ABR: variants seen among roughly 807,000 people sequenced by gnomAD.
ABR encodes the protein ABR activator of RhoGEF and GTPase.
A neutral mutation model predicts 107.2 loss-of-function variants in ABR; 35 were observed. The ratio of observed to expected loss-of-function variants is 0.33; its 90% CI spans 0.25 to 0.43. The LOEUF (loss-of-function observed/expected upper bound fraction) is 0.43, where lower values mean the gene tolerates loss of function less well. Among genes scored for constraint, ABR ranks in the 20% least tolerant of loss-of-function variants. ABR has a pLI of 1.00. For synonymous variants in ABR, 498 were observed against 462.0 expected (o/e 1.08, Z -1.00); for missense variants, 815 against 1,115.2 (o/e 0.73, Z 3.83).
chr17:1,033,359 TCC>T (rs1376516780), intron 16 of ABR, among the ~76,000 whole-genome samples: 1 of 152,112 alleles, frequency 6.6e-6, no homozygotes, highest in African/African-American at 2.4e-5. Context: ...CACTTACCCC[TCC>T]CAACTGTATG....
upstream of ABR, among the ~76,000 whole-genome samples, chr17:1,181,373 C>T (rs2042127655): frequency 2.0e-5 from 3 of 152,280 alleles, no homozygotes; most frequent in Non-Finnish European, 4.4e-5. Context: ...CAGGATGATG[C>T]TCTGGGTGGG....
At chr17:1,101,795 G>T (rs866354365) in intron 2 of ABR, among the ~76,000 whole-genome samples, 1 of 150,554 alleles carries the variant, frequency 6.6e-6, no homozygotes, top group Non-Finnish European at 1.5e-5. Context: ...GTGCAGTGGC[G>T]CGATCTCGGC....
At chr17:1,090,877 G>A (rs1176374914) in intron 4 of ABR, among the ~76,000 whole-genome samples, 2 of 152,200 alleles carry the variant, frequency 1.3e-5, no homozygotes, top group Non-Finnish European at 2.9e-5. Context: ...CAGACGTTAC[G>A]TAGCAGAGGT....
At chr17:1,015,313 G>A (rs1003443168) in intron 16 of ABR, among the ~76,000 whole-genome samples, 1 of 151,452 alleles carries the variant, frequency 6.6e-6, no homozygotes, top group Non-Finnish European at 1.5e-5. Context: ...CTACTACTTG[G>A]GAGGCTGAGA....
chr17:1,125,231 G>C lies in ABR; in HGVS notation c.198C>G (p.Gly66=), dbSNP rs143549153. The C allele has an allele frequency of 4.3e-6, 7 of 1,609,568 alleles. No individual in the cohort carries two copies. The highest frequency in any genetic ancestry group is 1.7e-4 in the Middle Eastern group (1 of 6,060). ...MSPQLSARSQ[G]GGDGVSPTPP... is the part of the protein sequence containing the mutation. ...GAGTCGGGGAGACGCCATCCCCCCC[G>C]CCCTGGCTGCGGGCGCTGAGCTGCG... The change falls in exon 2 of 23, where the codon GGC becomes GGG. Residue 66 remains glycine (G), a synonymous_variant. Coordinates refer to ENST00000302538, the MANE Select transcript of ABR (RefSeq NM_021962.5).
At chr17:1,209,517 T>G (rs2042862659) in intron 1 of ABR, among the ~76,000 whole-genome samples, 2 of 152,092 alleles carry the variant, frequency 1.3e-5, no homozygotes, top group Non-Finnish European at 2.9e-5. Flanking sequence ...ACTAAGGTGA[T>G]TCACCTGTCT....
chr17:1,107,255 C>T (rs1428051723), intron 2 of ABR, among the ~76,000 whole-genome samples: 1 of 152,208 alleles, frequency 6.6e-6, no homozygotes, highest in Non-Finnish European at 1.5e-5. Context: ...CGTGGGCCAC[C>T]GCCGTACACA....
At chr17:1,104,932 C>G (rs536841810) in intron 2 of ABR, among the ~76,000 whole-genome samples, 7 of 152,212 alleles carry the variant, frequency 4.6e-5, no homozygotes, top group African/African-American at 1.4e-4. Flanking sequence ...CATATCCCAC[C>G]CTTAAAATTT....
intron 16 of ABR, among the ~76,000 whole-genome samples, chr17:1,020,508 A>G (rs2071539997): frequency 6.6e-6 from 1 of 152,210 alleles, no homozygotes; most frequent in Admixed American, 6.5e-5. Context: ...CCCTGCGGCG[A>G]AAACCCAGCA....
chr17:1,113,825 G>A (rs969022814), intron 2 of ABR, among the ~76,000 whole-genome samples: 2 of 152,198 alleles, frequency 1.3e-5, no homozygotes, highest in Non-Finnish European at 2.9e-5. Flanking sequence ...GACAGAGGGA[G>A]CCTCTAAGAG....
At position 1,057,992 on chromosome 17, in the gene ABR, T is replaced by C; in HGVS notation, c.1359A>G (p.Ala453=). ...TACCCTTCTTCTGTAGTTTCTGAAT[T>C]GCTTCTCTCCACTCTGACCTCTCGT... ...SDYERSEWRE[A]IQKLQKKDLQ... The change falls in exon 12 of 23, where the codon GCA becomes GCG. Residue 453 remains alanine, a synonymous_variant. Coordinates refer to ENST00000302538, the MANE Select transcript of ABR (RefSeq NM_021962.5). 1 of 1,613,970 alleles carries C rather than the reference T, an allele frequency of 6.2e-7. No individual in the cohort carries two copies. The highest frequency in any genetic ancestry group is 8.5e-7 in the Non-Finnish European group (1 of 1,179,916).
In ABR at chr17:1,176,643, C is replaced by T. The variant is rs1429033025; in HGVS notation, c.61+3024G>A. Among the ~76,000 whole-genome samples the T allele has an allele frequency of 2.0e-5, 3 of 152,050 alleles. No homozygotes were observed. In the East Asian group the frequency reaches 5.8e-4, roughly 29 times the overall value. On this transcript the variant is annotated intron_variant, in intron 1 of 22. Coordinates refer to ENST00000302538, the MANE Select transcript of ABR (RefSeq NM_021962.5). ...GGAAGATCACCTGAGGTCAGGAGTT[C>T]GAGACCAGCCTGACCAATATGGTGA...
At chr17:1,026,868 C>T (rs988203884) in intron 16 of ABR, among the ~76,000 whole-genome samples, 3 of 152,210 alleles carry the variant, frequency 2.0e-5, no homozygotes, top group South Asian at 4.1e-4. Flanking sequence ...CCAGCACCAG[C>T]GCCCTGTGGC....
At chr17:1,075,781 C>T (rs1412337601) in intron 6 of ABR, among the ~76,000 whole-genome samples, 2 of 152,274 alleles carry the variant, frequency 1.3e-5, no homozygotes, top group South Asian at 2.1e-4. Context: ...GTGGCTCACG[C>T]CTGTAATCCC....
chr17:1,191,326 G>C (rs140929606), upstream of ABR, among the ~76,000 whole-genome samples: 706 of 142,320 alleles, frequency 5.0e-3, 7 homozygotes, highest in African/African-American at 0.016. Context: ...TAGTAACGAT[G>C]TTCTGGATGT....
At chr17:1,217,740 G>T (rs2043041356) in intron 1 of ABR, among the ~76,000 whole-genome samples, 1 of 152,146 alleles carries the variant, frequency 6.6e-6, no homozygotes, top group African/African-American at 2.4e-5. Flanking sequence ...TGTGGCCCAG[G>T]CTGGAGTGCA....
intron 2 of ABR, among the ~76,000 whole-genome samples, chr17:1,123,481 G>A (rs370353382): frequency 1.6e-4 from 24 of 152,302 alleles, no homozygotes; most frequent in African/African-American, 5.1e-4. Flanking sequence ...TCTGTCTCCC[G>A]AGAGAAGGCA....
intron 2 of ABR, among the ~76,000 whole-genome samples, chr17:1,115,626 T>G (rs1158270295): frequency 6.6e-6 from 1 of 152,252 alleles, no homozygotes; most frequent in African/African-American, 2.4e-5. Context: ...ATAGTTCAAC[T>G]ACATAAAGCT....
chr17:1,071,284 G>A lies in ABR; in HGVS notation c.895-1194C>T, dbSNP rs1383941123. ...TGCACATCAGCACCAGGAGCCGCAC[G>A]GAATCGGCTCTCTCTGCCCAGTGGA... On this transcript the variant is annotated intron_variant, in intron 8 of 22. Coordinates refer to ENST00000302538, the MANE Select transcript of ABR (RefSeq NM_021962.5). This position sits in a 1 kb window ranked among gnomAD's most constrained non-coding sequence, Gnocchi z 5.1. Among the ~76,000 whole-genome samples the A allele has an allele frequency of 6.6e-6, 1 of 152,170 alleles. No homozygotes were observed. The highest frequency in any genetic ancestry group is 2.4e-5 in the African/African-American group (1 of 41,440).
Sources: gnomAD v4.1 joint callset for allele counts (sites outside exome capture counted in the v4.1 genomes callset) on GRCh38, gnomAD v4.1.1 for gene constraint, Gnocchi (gnomAD v3.1) non-coding constraint, MANE v1.5 for transcripts, NCBI Gene and HGNC (gene_info 2026-07-23, HGNC 2026-07-21) for gene names.